DDX6: variants seen among roughly 807,000 people sequenced by gnomAD.
The protein encoded by DDX6 is probable ATP-dependent RNA helicase DDX6.
A neutral mutation model predicts 60.6 loss-of-function variants in DDX6; 7 were observed. That is an observed-to-expected ratio of 0.12 (90% CI 0.07 to 0.22). The LOEUF (loss-of-function observed/expected upper bound fraction) is 0.22. Ranked by LOEUF, DDX6 falls within the 10% of genes least tolerant of loss-of-function variation. The pLI, the probability that DDX6 is intolerant of heterozygous loss-of-function variation, is 1.00. For synonymous variants in DDX6, 207 were observed against 201.0 expected (o/e 1.03, Z -0.25); for missense variants, 270 against 589.9 (o/e 0.46, Z 5.62).
rs1449123403 is a variant in DDX6, at chr11:118,748,303, C to T, written c.*3802G>A. ...CCTCTGACCTCATGAACTGTGACAACCTTTGGACACTTAACTCTTTACCCC... is the reference window on the plus strand; with the variant it reads ...CCTCTGACCTCATGAACTGTGACAATCTTTGGACACTTAACTCTTTACCCC... On this transcript the variant is annotated 3_prime_UTR_variant, in exon 14 of 14. Coordinates refer to ENST00000534980, the MANE Select transcript of DDX6 (RefSeq NM_004397.6). 2.6e-5 allele frequency: 4 copies of T among 152,112 alleles called. No individual in the cohort carries two copies. The highest frequency in any genetic ancestry group is 4.4e-5 in the Non-Finnish European group (3 of 68,016). 9.4% of individuals were successfully genotyped at this position (152,112 alleles called of 1,614,324 possible). A position where few individuals can be genotyped will look rare whatever the true frequency, so the allele number is the denominator to read the frequency against.
chr11:118,757,368 C>CA (rs1861011776), intron 9 of DDX6, 81 bp from the exon 10 acceptor site: 1 of 656,092 alleles, frequency 1.5e-6, no homozygotes, highest in Non-Finnish European at 2.5e-6. Flanking sequence ...CACGAACCAG[C>CA]AAAAAAGAAA....
chr11:118,772,176 C>T (rs1861556583), intron 4 of DDX6, among the ~76,000 whole-genome samples: 3 of 152,188 alleles, frequency 2.0e-5, no homozygotes, highest in Admixed American at 2.0e-4. Flanking sequence ...CAGTTGAGAT[C>T]ATTAAATCCC....
intron 1 of DDX6, chr11:118,788,305 A>ACAAAC (rs1565582600): frequency 1.1e-4 from 2 of 17,420 alleles, no homozygotes; most frequent in African/African-American, 1.5e-4. Flanking sequence ...CTCTGACTTA[A>ACAAAC]AAACAAACAA....
intron 3 of DDX6, among the ~76,000 whole-genome samples, 200 bp downstream of exon 3, chr11:118,780,921 G>A (rs2137534803): frequency 6.6e-6 from 1 of 152,312 alleles, no homozygotes; most frequent in Admixed American, 6.5e-5. Flanking sequence ...AATAGGCTAA[G>A]AGAACTAACT....
upstream of DDX6, chr11:118,791,193 G>C (rs1862267137): frequency 6.6e-6 from 1 of 152,030 alleles, no homozygotes; most frequent in South Asian, 2.1e-4. Context: ...CCGTTCGCCC[G>C]CCCGCCGCCT....
chr11:118,786,234 T>C lies in DDX6; in HGVS notation c.18A>G (p.Thr6=). 1.2e-6 allele frequency: 2 copies of C among 1,609,926 alleles called. No individual in the cohort carries two copies. The highest frequency in any genetic ancestry group is 1.7e-6 in the Non-Finnish European group (2 of 1,178,210). The change falls in exon 2 of 14, where the codon ACA becomes ACG. Residue 6 remains threonine (T), a synonymous_variant. Transcript: ENST00000534980. ...ACAGACCCATTATAACAGGGTTCTC[T>C]GTTCTGGCCGTGCTCATGCTGTTTT... The part of the protein sequence containing the change: MSTAR[T]ENPVIMGLSS...
At chr11:118,756,127 A>G (rs1860968680) in intron 11 of DDX6, 133 bp downstream of exon 11, 2 of 638,850 alleles carry the variant, frequency 3.1e-6, no homozygotes, top group South Asian at 2.0e-5. Context: ...TTCATTTTCA[A>G]CTTCAGAAAT....
chr11:118,762,129 G>C (rs1229180989), intron 7 of DDX6, among the ~76,000 whole-genome samples: 1 of 151,732 alleles, frequency 6.6e-6, no homozygotes, highest in African/African-American at 2.4e-5. Flanking sequence ...ACAAGAATTA[G>C]CTGAGCGTGG....
chr11:118,773,059 C>T (rs1281887546), intron 4 of DDX6, among the ~76,000 whole-genome samples: 8 of 152,114 alleles, frequency 5.3e-5, no homozygotes, highest in African/African-American at 1.7e-4. Context: ...TGTGAATTCC[C>T]GTTATTTTTC....
Position 118,755,389 on chromosome 11 carries a change from CTT to C in DDX6, c.1276+11_1276+12del. 1 of 1,558,982 alleles carries C rather than the reference CTT, an allele frequency of 6.4e-7. No individual in the cohort carries two copies. The highest frequency in any genetic ancestry group is 8.8e-7 in the Non-Finnish European group (1 of 1,132,782). ...AGAACTTCTACCAAGAATATCACCT[CTT>C]TTTTCCTCACCTGATCTTCCAATAC... On this transcript the variant is annotated intron_variant, in intron 12 of 13. Coordinates refer to ENST00000534980, the MANE Select transcript of DDX6 (RefSeq NM_004397.6).
chr11:118,749,733 AAGAG>A lies in DDX6; in HGVS notation c.*2368_*2371del, dbSNP rs1295430084. The stretch of plus-strand genomic sequence containing the variant: ...CTTATCTCGCAAGAGGTGGGGGAGA[AAGAG>A]AGCTGCATCGGTACAAGGGCACAAT... On this transcript the variant is annotated 3_prime_UTR_variant, in exon 14 of 14. Transcript: ENST00000534980. The A allele has an allele frequency of 6.6e-6, 1 of 152,658 alleles. No homozygotes were observed. Among genetic ancestry groups the A allele is most frequent in the East Asian group, 1.9e-4 (1 of 5,204 alleles). The allele number at this position is 152,658 out of a possible 1,614,324, so 9.5% of individuals were successfully genotyped here.
In DDX6 at chr11:118,757,664, C is replaced by A. The variant is rs74676029; in HGVS notation, c.994-377G>T. Among the ~76,000 whole-genome samples the A allele has an allele frequency of 2.0e-5, 3 of 151,950 alleles. No homozygotes were observed. In the East Asian group the frequency reaches 5.8e-4, roughly 29 times the overall value. On this transcript the variant is annotated intron_variant, in intron 9 of 13. Transcript: ENST00000534980. ...GGAGTGCAATGGTGCAATCTCAGCT[C>A]ACTGCAACAGCTGCCTCCTGGGTTC...
At chr11:118,763,191 T>G (rs782748705) in intron 7 of DDX6, 21 bp downstream of exon 7, 1 of 1,544,240 alleles carries the variant, frequency 6.5e-7, no homozygotes, top group South Asian at 1.2e-5. Context: ...AACAGTATAA[T>G]GCCAAATGAA....
At chr11:118,780,114 C>CAAAAAAAAAAA (rs71044492) in intron 3 of DDX6, among the ~76,000 whole-genome samples, 9 of 40,286 alleles carry the variant, frequency 2.2e-4, no homozygotes, top group South Asian at 1.7e-3. Flanking sequence ...GACTCTATCT[C>CAAAAAAAAAAA]AAAAAAAAAA....
intron 11 of DDX6, among the ~76,000 whole-genome samples, chr11:118,756,016 T>C (rs1299474279): frequency 0.18 from 14,493 of 80,646 alleles, 139 homozygotes; most frequent in Non-Finnish European, 0.2. Flanking sequence ...TCCATCCCCC[T>C]CCCCCCCCCC....
At chr11:118,782,896 CT>C (rs1861946173) in intron 2 of DDX6, among the ~76,000 whole-genome samples, 1 of 152,126 alleles carries the variant, frequency 6.6e-6, no homozygotes, top group Non-Finnish European at 1.5e-5. Flanking sequence ...TCCCAAAGTG[CT>C]GGGATTACAG....
chr11:118,766,080 AAAAAG>A (rs1861344332), intron 5 of DDX6, among the ~76,000 whole-genome samples: 1 of 152,068 alleles, frequency 6.6e-6, no homozygotes, highest in African/African-American at 2.4e-5. Flanking sequence ...TCAAATAAAA[AAAAAG>A]AAAAGAAACA....
intron 4 of DDX6, among the ~76,000 whole-genome samples, chr11:118,771,028 C>T (rs1861518631): frequency 6.6e-6 from 1 of 152,222 alleles, no homozygotes; most frequent in Non-Finnish European, 1.5e-5. Context: ...TTTCTTCCCT[C>T]ATCACAGATA....
chr11:118,765,441 G>A, intron 5 of DDX6, 86 bp from the exon 6 acceptor site: 1 of 1,424,356 alleles, frequency 7.0e-7, no homozygotes, highest in South Asian at 1.2e-5. Flanking sequence ...AATTTAAGAA[G>A]CTATAGAAAT....
Sources: gnomAD v4.1 joint callset for allele counts (sites outside exome capture counted in the v4.1 genomes callset) on GRCh38, gnomAD v4.1.1 for gene constraint, MANE v1.5 for transcripts, NCBI Gene and HGNC (gene_info 2026-07-23, HGNC 2026-07-21) for gene names.